The following EPN1 variants were observed in gnomAD, a reference collection of about 807,000 sequenced individuals.
The protein encoded by EPN1 is epsin-1.
EPN1 carries 25 observed loss-of-function variants against 56.9 expected under a neutral mutation model. The observed-to-expected ratio is 0.44, with a 90% CI of 0.32 to 0.61. EPN1 has a LOEUF of 0.61. Ranked by LOEUF, EPN1 falls within the 20% of genes least tolerant of loss-of-function variation. The probability of loss-of-function intolerance (pLI) is 0.05; values close to 1 mark genes in which losing one functional copy is unlikely to be tolerated. For synonymous variants in EPN1, 411 were observed against 361.8 expected (o/e 1.14, Z -1.54); for missense variants, 785 against 823.7 (o/e 0.95, Z 0.58).
intron 2 of EPN1, among the ~76,000 whole-genome samples, chr19:55,679,422 T>C (rs1600095192): frequency 1.3e-5 from 2 of 152,320 alleles, no homozygotes; most frequent in African/African-American, 4.8e-5. Flanking sequence ...TGGCGGGATC[T>C]CAGGCTCGTC....
chr19:55,685,384 GC>G lies in EPN1; in HGVS notation c.229-9del, dbSNP rs1986097466. Reference sequence around the variant, plus strand: ...CGGCGTGCTGACCGGGCATCCCCGTGCCCGCTCGCAGGCCATGACGCTGATG... The same window carrying G: ...CGGCGTGCTGACCGGGCATCCCCGTGCCGCTCGCAGGCCATGACGCTGATG... On this transcript the variant is annotated splice_polypyrimidine_tract_variant and intron_variant, in intron 2 of 10. Coordinates refer to ENST00000270460, the MANE Select transcript of EPN1 (RefSeq NM_001130072.2). 2 of 1,607,388 alleles carry G rather than the reference GC, an allele frequency of 1.2e-6. No individual in the cohort carries two copies. The highest frequency in any genetic ancestry group is 4.5e-5 in the East Asian group (2 of 44,684).
intron 1 of EPN1, 83 bp downstream of exon 1, chr19:55,675,518 G>C (rs866554227): frequency 2.6e-5 from 4 of 152,582 alleles, no homozygotes; most frequent in Middle Eastern, 3.4e-3. Flanking sequence ...GCGGGCTCGC[G>C]TCTGGCCAGT....
At chr19:55,687,005 G>A (rs1235846899) in intron 3 of EPN1, among the ~76,000 whole-genome samples, 4 of 152,064 alleles carry the variant, frequency 2.6e-5, no homozygotes, top group Non-Finnish European at 4.4e-5. Flanking sequence ...GCCTGGCCCC[G>A]TCCGCTGGCG....
In EPN1 at chr19:55,680,724, C is replaced by T. The variant is rs375990649; in HGVS notation, c.228+1869C>T. The T allele has an allele frequency of 5.2e-5, 8 of 152,502 alleles. No homozygotes were observed. The East Asian group carries it at 9.6e-4, about 18-fold the overall frequency. 9.4% of individuals were successfully genotyped at this position (152,502 alleles called of 1,614,324 possible). ...CCCTGGGTCCACGTCTAGCCAGCGC[C>T]TCCCTTCCTGGCTGACCACTTCTAT... On this transcript the variant is annotated intron_variant, in intron 2 of 10. Transcript: ENST00000270460.
chr19:55,686,800 G>A (rs566943060), intron 3 of EPN1, among the ~76,000 whole-genome samples: 1 of 152,114 alleles, frequency 6.6e-6, no homozygotes, highest in South Asian at 2.1e-4. Flanking sequence ...TGGTCAGCTC[G>A]AGGCAGGCAG....
At chr19:55,690,675 G>A (rs755436886) in intron 6 of EPN1, among the ~76,000 whole-genome samples, 4 of 152,160 alleles carry the variant, frequency 2.6e-5, no homozygotes, top group South Asian at 4.1e-4. Context: ...CAAGCTCGTC[G>A]GGCTGGGTTG....
intron 2 of EPN1, among the ~76,000 whole-genome samples, chr19:55,684,247 G>T (rs143747413): frequency 6.6e-6 from 1 of 152,158 alleles, no homozygotes; most frequent in Admixed American, 6.5e-5. Context: ...TGGTTCAGAC[G>T]GAGCTTAGCT....
At chr19:55,677,439 T>A in intron 1 of EPN1, 1 of 708,374 alleles carries the variant, frequency 1.4e-6, no homozygotes, top group Non-Finnish European at 2.4e-6. Context: ...GATGGGTTAA[T>A]TTAATTTAGG....
At chr19:55,676,508 C>G (rs552717581) in intron 1 of EPN1, 1 of 152,226 alleles carries the variant, frequency 6.6e-6, no homozygotes, top group South Asian at 2.1e-4. Context: ...GAAATGTTCT[C>G]TGTTTTTTCT....
Position 55,697,695 on chromosome 19 carries a change from T to C in EPN1, c.*2339T>C, listed in dbSNP as rs966052734. The C allele has an allele frequency of 6.6e-6, 1 of 152,194 alleles. No individual in the cohort carries two copies. The highest frequency in any genetic ancestry group is 6.5e-5 in the Admixed American group (1 of 15,272). The allele number at this position is 152,194 out of a possible 1,614,324, so 9.4% of individuals were successfully genotyped here. A position where few individuals can be genotyped will look rare whatever the true frequency, so the allele number is the denominator to read the frequency against. On this transcript the variant is annotated 3_prime_UTR_variant, in exon 11 of 11. Transcript: ENST00000270460. ...CACAGATCTCGTGTCTCCTACTTTA[T>C]TCCTCTTTCTAGAATATTCCAGCCA... is the stretch of plus-strand genomic sequence containing the variant.
In EPN1 at chr19:55,694,929, C is replaced by T. The variant is rs759837780; in HGVS notation, c.1468C>T (p.Arg490Trp). 45 of 1,567,098 alleles carry T rather than the reference C, an allele frequency of 2.9e-5. No homozygotes were observed. The highest frequency in any genetic ancestry group is 3.3e-5 in the Non-Finnish European group (38 of 1,156,630). ...ALVDLDSLVS[R>W]PGPTPPGAKA... is the part of the protein sequence containing the mutation. ...CGTCGACCTGGACTCGCTGGTGAGC[C>T]GGCCGGGCCCCACGCCGCCTGGAGC... The change falls in exon 10 of 11, where the codon CGG becomes TGG. Residue 490 changes from arginine (R) to tryptophan (W), a missense_variant. Transcript: ENST00000270460. The surrounding 1 kb of genome is among the most constrained non-coding windows in gnomAD (Gnocchi z 4.2).
Position 55,689,037 on chromosome 19 carries a change from C to A in EPN1, c.603+43C>A. 1 of 1,545,918 alleles carries A rather than the reference C, an allele frequency of 6.5e-7. No individual in the cohort carries two copies. Among genetic ancestry groups the A allele is most frequent in the Non-Finnish European group, 8.7e-7 (1 of 1,149,504 alleles). ...GGGGCTGTCTGTCCGCCACCCGCCTCCACGCCTCACTTCAGGCTCCCTCCC... is the reference window on the plus strand; with the variant it reads ...GGGGCTGTCTGTCCGCCACCCGCCTACACGCCTCACTTCAGGCTCCCTCCC... On this transcript the variant is annotated intron_variant, in intron 4 of 10. Transcript: ENST00000270460. This position sits in a 1 kb window ranked among gnomAD's most constrained non-coding sequence, Gnocchi z 5.7.
Position 55,689,321 on chromosome 19 carries a change from G to A in EPN1, c.628G>A (p.Asp210Asn), listed in dbSNP as rs991422502. The change falls in exon 5 of 11, where the codon GAC (aspartate) becomes AAC (asparagine). Residue 210 changes from aspartate to asparagine, a missense_variant. Around this residue, in one of 2 missense-constraint regions of EPN1, gnomAD observed 650 missense variants for 605.0 expected, o/e 1.07. Transcript: ENST00000270460. This position sits in a 1 kb window ranked among gnomAD's most constrained non-coding sequence, Gnocchi z 5.7. ...GCCCCCGTCCTGCGGCCCCGAGGAC[G>A]ACGCCCAGCTCCAGCTGGCCCTTAG... Reference protein sequence around the residue: ...DQPPSCGPEDDAQLQLALSLS... With the variant: ...DQPPSCGPEDNAQLQLALSLS... 3.2e-6 allele frequency: 5 copies of A among 1,551,220 alleles called. No homozygotes were observed. The highest frequency in any genetic ancestry group is 4.4e-6 in the Non-Finnish European group (5 of 1,146,830).
chr19:55,686,634 G>T (rs946183537), intron 3 of EPN1, among the ~76,000 whole-genome samples: 1 of 152,134 alleles, frequency 6.6e-6, no homozygotes, highest in Non-Finnish European at 1.5e-5. Flanking sequence ...GACGGGGTGT[G>T]TGCGACCCTG....
intron 9 of EPN1, among the ~76,000 whole-genome samples, chr19:55,693,833 C>T (rs1212629359): frequency 6.6e-6 from 1 of 152,190 alleles, no homozygotes; most frequent in Non-Finnish European, 1.5e-5. Flanking sequence ...AACCTTCCAG[C>T]ATGCAGTTTT....
In EPN1 at chr19:55,695,300, C is replaced by T. The variant is rs1368358050; in HGVS notation, c.1675C>T (p.Pro559Ser). Reference protein sequence around the residue: ...ISPLGGGPGLPPMMPPGPPAP... With the variant: ...ISPLGGGPGLSPMMPPGPPAP... ...TCCCCTTGGCGGGGGCCCTGGCCTG[C>T]CCCCCATGATGCCCCCGGGCCCCCC... The change falls in exon 11 of 11, where the codon CCC (proline) becomes TCC (serine). Residue 559 changes from proline to serine, a missense_variant. Transcript: ENST00000270460. The surrounding 1 kb of genome is among the most constrained non-coding windows in gnomAD (Gnocchi z 4.4). 2 of 1,571,462 alleles carry T rather than the reference C, an allele frequency of 1.3e-6. No homozygotes were observed. Among genetic ancestry groups the T allele is most frequent in the East Asian group, 2.4e-5 (1 of 42,036 alleles).
chr19:55,709,008 C>CT lies in EPN1; in HGVS notation c.*13654dup. 1 of 1,583,808 alleles carries CT rather than the reference C, an allele frequency of 6.3e-7. No homozygotes were observed. Among genetic ancestry groups the CT allele is most frequent in the Non-Finnish European group, 8.5e-7 (1 of 1,169,806 alleles). ...TTTTTTCTTCCACAGACATCAGGAT[C>CT]TTCTGAGTTTCTTCATCAAAGCCAG... On this transcript the variant is annotated 3_prime_UTR_variant, in exon 11 of 11. Coordinates refer to ENST00000270460, the MANE Select transcript of EPN1 (RefSeq NM_001130072.2).
rs1356295590 is a variant in EPN1 at position 55,694,645 on chromosome 19, C to T, written c.1265-81C>T. 2 of 1,461,324 alleles carry T rather than the reference C, an allele frequency of 1.4e-6. No homozygotes were observed. The highest frequency in any genetic ancestry group is 1.8e-6 in the Non-Finnish European group (2 of 1,107,328). 90.5% of individuals were successfully genotyped at this position (1,461,324 alleles called of 1,614,324 possible). On this transcript the variant is annotated intron_variant, in intron 9 of 10. Coordinates refer to ENST00000270460, the MANE Select transcript of EPN1 (RefSeq NM_001130072.2). The surrounding 1 kb of genome is among the most constrained non-coding windows in gnomAD (Gnocchi z 4.2). ...GGGCACCGGGCTCTTTGAAGCGCCC[C>T]CTATGATGGCCTATACTGCTCCCGG...
chr19:55,685,219 T>C (rs534365321), intron 2 of EPN1, among the ~76,000 whole-genome samples, 177 bp from the exon 3 acceptor site: 104 of 152,382 alleles, frequency 6.8e-4, no homozygotes, highest in African/African-American at 2.4e-3. Context: ...GGGTCTGTGT[T>C]CATTCCTTTG....
Sources: gnomAD v4.1 joint callset for allele counts (sites outside exome capture counted in the v4.1 genomes callset) on GRCh38, gnomAD v4.1.1 for gene constraint, gnomAD v4.1.1 regional missense constraint, Gnocchi (gnomAD v3.1) non-coding constraint, MANE v1.5 for transcripts, NCBI Gene and HGNC (gene_info 2026-07-23, HGNC 2026-07-21) for gene names.